FAM13A: variants seen among roughly 807,000 people sequenced by gnomAD.
FAM13A encodes protein FAM13A.
Under a neutral mutation model 129.6 loss-of-function variants are expected in FAM13A, and 76 were observed. The observed-to-expected ratio is 0.59, with a 90% confidence interval of 0.49 to 0.71. FAM13A has a LOEUF of 0.71. Ranked by LOEUF, FAM13A falls within the 30% of genes least tolerant of loss-of-function variation. FAM13A has a pLI of 0.00. For missense variants in FAM13A, 1,108 were observed against 1,249.3 expected (o/e 0.89, Z 1.70); for synonymous variants, 443 against 449.9 (o/e 0.98, Z 0.20).
At chr4:88,781,828 C>T (rs146899666) in intron 10 of FAM13A, among the ~76,000 whole-genome samples, 8,766 of 146,562 alleles carry the variant, frequency 0.06, 336 homozygotes, top group Non-Finnish European at 0.069. Context: ...CATCACAGTC[C>T]GGAGACTGTT....
intron 7 of FAM13A, among the ~76,000 whole-genome samples, chr4:88,819,361 A>G (rs1394218729): frequency 6.6e-6 from 1 of 152,198 alleles, no homozygotes; most frequent in African/African-American, 2.4e-5. Flanking sequence ...TTCCTTGTGG[A>G]TATAAATTCA....
Position 89,056,794 on chromosome 4 carries a change from G to A in FAM13A, c.27+144C>T. ...ATCCTGCCTAATACCCATTTAAGTA[G>A]ATAGGAATTTAAGTAACAAATCTTT... is the stretch of plus-strand genomic sequence containing the variant. On this transcript the variant is annotated intron_variant, in intron 1 of 23. Transcript: ENST00000264344. The A allele has an allele frequency of 5.3e-6, 4 of 761,676 alleles. No homozygotes were observed. The South Asian group carries it at 7.6e-5, about 14-fold the overall frequency. The allele number at this position is 761,676 out of a possible 1,614,324, so 47.2% of individuals were successfully genotyped here.
At chr4:88,881,187 A>T (rs1223196584) in intron 6 of FAM13A, among the ~76,000 whole-genome samples, 3 of 152,180 alleles carry the variant, frequency 2.0e-5, no homozygotes, top group African/African-American at 7.2e-5. Flanking sequence ...CTAGCCCAAT[A>T]AACAAAACTA....
chr4:89,029,715 C>G, intron 1 of FAM13A, 66 bp from the exon 2 acceptor site: 1 of 1,282,084 alleles, frequency 7.8e-7, no homozygotes, highest in Non-Finnish European at 1.1e-6. Flanking sequence ...ATGGTTACAA[C>G]AGAAACACCT....
At chr4:88,973,165 G>C (rs187784949) in intron 4 of FAM13A, among the ~76,000 whole-genome samples, 58 of 126,206 alleles carry the variant, frequency 4.6e-4, no homozygotes, top group Non-Finnish European at 6.9e-4. Context: ...TATCTTGCTT[G>C]GTATTCTCTG....
At chr4:89,000,291 A>T (rs1764085161) in intron 3 of FAM13A, among the ~76,000 whole-genome samples, 1 of 152,218 alleles carries the variant, frequency 6.6e-6, no homozygotes, top group Non-Finnish European at 1.5e-5. Context: ...TTCCATCAAC[A>T]TGAATGGATA....
Position 88,876,145 on chromosome 4 carries a change from A to G in FAM13A, c.844-24962T>C, listed in dbSNP as rs941161461. On this transcript the variant is annotated intron_variant, in intron 6 of 23. Coordinates refer to ENST00000264344, the MANE Select transcript of FAM13A (RefSeq NM_014883.4). ...ATCCCACACCAGGGCCTGTCCTGGG[A>G]TGGGGGGCTGGGGGAGGGATAGCAT... 2.9e-4 allele frequency among the ~76,000 whole-genome samples: 44 copies of G among 150,838 alleles called. 1 individual carries two copies. Among genetic ancestry groups the G allele is most frequent in the African/African-American group, 1.0e-3 (42 of 40,258 alleles).
At chr4:88,917,226 C>T (rs773310366) in intron 5 of FAM13A, among the ~76,000 whole-genome samples, 9 of 152,110 alleles carry the variant, frequency 5.9e-5, no homozygotes, top group Admixed American at 1.3e-4. Context: ...GTGAGTGCCT[C>T]GTGAAGGAAG....
intron 6 of FAM13A, among the ~76,000 whole-genome samples, chr4:88,864,331 AC>A (rs1740016198): frequency 6.6e-6 from 1 of 152,202 alleles, no homozygotes; most frequent in African/African-American, 2.4e-5. Context: ...AATTTCTTTA[AC>A]CCTTCTCTAA....
At chr4:88,867,007 A>G (rs1301452399) in intron 6 of FAM13A, among the ~76,000 whole-genome samples, 1 of 152,220 alleles carries the variant, frequency 6.6e-6, no homozygotes, top group Non-Finnish European at 1.5e-5. Context: ...TATACAGTAG[A>G]TTCTCATTAT....
At chr4:88,846,407 G>A (rs1321882341) in intron 7 of FAM13A, among the ~76,000 whole-genome samples, 1 of 152,226 alleles carries the variant, frequency 6.6e-6, no homozygotes, top group Non-Finnish European at 1.5e-5. Context: ...AAAACAAAGA[G>A]CTTTTCCCCC....
intron 7 of FAM13A, among the ~76,000 whole-genome samples, chr4:88,816,161 G>C (rs1187904339): frequency 6.6e-6 from 1 of 151,950 alleles, no homozygotes; most frequent in Non-Finnish European, 1.5e-5. Context: ...TATAAAATAG[G>C]AACTTCATTT....
intron 6 of FAM13A, among the ~76,000 whole-genome samples, chr4:88,892,202 C>T (rs1412816242): frequency 1.9e-4 from 21 of 110,672 alleles, no homozygotes; most frequent in African/African-American, 4.3e-4. Context: ...TTTTTTGAGA[C>T]GGAGTCTGGC....
At chr4:88,989,208 A>AAAAC (rs139128222) in intron 4 of FAM13A, among the ~76,000 whole-genome samples, 11 of 150,786 alleles carry the variant, frequency 7.3e-5, no homozygotes, top group Non-Finnish European at 1.0e-4. Flanking sequence ...ACTCTGTCTC[A>AAAAC]AAACAAACAA....
intron 4 of FAM13A, among the ~76,000 whole-genome samples, chr4:88,961,494 A>G (rs1278032779): frequency 6.6e-6 from 1 of 151,142 alleles, no homozygotes; most frequent in African/African-American, 2.4e-5. Context: ...CAGCCTCCCA[A>G]GCAGCTAGGA....
chr4:88,889,306 G>A (rs1028094079), intron 6 of FAM13A, among the ~76,000 whole-genome samples: 1 of 152,074 alleles, frequency 6.6e-6, no homozygotes, highest in Admixed American at 6.6e-5. Context: ...TGTGGAGGGA[G>A]GGACAGGCAA....
chr4:89,052,431 G>T (rs1266122913), intron 1 of FAM13A, among the ~76,000 whole-genome samples: 3 of 149,762 alleles, frequency 2.0e-5, no homozygotes. Flanking sequence ...TTAGCATTAG[G>T]TATATCTCCT....
intron 4 of FAM13A, among the ~76,000 whole-genome samples, chr4:88,984,844 A>G (rs1267697091): frequency 2.0e-5 from 3 of 152,170 alleles, no homozygotes; most frequent in Non-Finnish European, 4.4e-5. Flanking sequence ...TGCATGAGGG[A>G]ATGTAAAATG....
At chr4:88,858,095 A>G (rs528335274) in intron 6 of FAM13A, among the ~76,000 whole-genome samples, 15 of 152,378 alleles carry the variant, frequency 9.8e-5, no homozygotes, top group Middle Eastern at 3.4e-3. Flanking sequence ...TAAAAGAATT[A>G]TTAATGCATG....
Sources: gnomAD v4.1 joint callset for allele counts (sites outside exome capture counted in the v4.1 genomes callset) on GRCh38, gnomAD v4.1.1 for gene constraint, MANE v1.5 for transcripts, NCBI Gene and HGNC (gene_info 2026-07-23, HGNC 2026-07-21) for gene names.